The following EXOSC9 variants were observed in gnomAD, a reference collection of about 807,000 sequenced individuals.
EXOSC9 encodes the protein exosome complex component RRP45.
Under a neutral mutation model 56.5 loss-of-function variants are expected in EXOSC9, and 38 were observed. The observed-to-expected ratio is 0.67, with a 90% confidence interval of 0.52 to 0.88. The LOEUF (loss-of-function observed/expected upper bound fraction) is 0.88. Ranked by LOEUF, EXOSC9 falls within the 40% of genes least tolerant of loss-of-function variation. The pLI is 0.00. For synonymous variants in EXOSC9, 170 were observed against 170.8 expected (o/e 0.99, Z 0.04); for missense variants, 559 against 530.5 (o/e 1.05, Z -0.53).
In EXOSC9 at chr4:121,810,032, C is replaced by T; in HGVS notation, c.671C>T (p.Ala224Val). 6.2e-7 allele frequency: 1 copy of T among 1,613,428 alleles called. No homozygotes were observed. The highest frequency in any genetic ancestry group is 8.5e-7 in the Non-Finnish European group (1 of 1,179,384). Residue 224 changes from alanine (A) to valine (V), a missense_variant, in exon 7 of 12, where the codon GCC (alanine) becomes GTC (valine). Physicochemically the swap from Ala to Val is moderately conservative, Grantham distance 64 (BLOSUM62 0). Transcript: ENST00000243498. ...GTGATGGATGGCTTGCTGGTGATTG[C>T]CATGAACAAACATCGAGAGATTTGT... The part of the protein sequence containing the change: ...ERVMDGLLVI[A>V]MNKHREICTI...
At chr4:121,816,224 G>A (rs1414292055) in intron 10 of EXOSC9, 145 bp from the exon 11 acceptor site, 2 of 624,542 alleles carry the variant, frequency 3.2e-6, no homozygotes, top group East Asian at 3.1e-5. Context: ...CTACCAAAAT[G>A]TGGGTATTAA....
chr4:121,803,809 C>T lies in EXOSC9; in HGVS notation c.384+792C>T, dbSNP rs140488416. On this transcript the variant is annotated intron_variant, in intron 4 of 11. Transcript: ENST00000243498. ...TTGGCCTCCCAAAGTGCTGGGATTA[C>T]AGGCGTGAGCTACTGTGCCTGGCCA... Among the ~76,000 whole-genome samples the T allele has an allele frequency of 1.9e-4, 29 of 152,272 alleles. 2 individuals are homozygous for T. In the East Asian group the frequency reaches 5.4e-3, roughly 28 times the overall value.
intron 6 of EXOSC9, chr4:121,807,883 A>T (rs866152031): frequency 2.0e-6 from 1 of 512,768 alleles, no homozygotes; most frequent in Non-Finnish European, 3.5e-6. Context: ...TTACTATGGC[A>T]TGGTAGTGTT....
At chr4:121,806,760 C>G (rs1478124028) in intron 5 of EXOSC9, among the ~76,000 whole-genome samples, 2 of 148,164 alleles carry the variant, frequency 1.3e-5, no homozygotes, top group East Asian at 2.0e-4. Flanking sequence ...AACATTACAA[C>G]TTTTTTTTTT....
At chr4:121,807,031 A>T (rs1727040928) in intron 5 of EXOSC9, among the ~76,000 whole-genome samples, 1 of 152,076 alleles carries the variant, frequency 6.6e-6, no homozygotes, top group Non-Finnish European at 1.5e-5. Context: ...GGTGGCTCAC[A>T]CCTGTAATTC....
At chr4:121,804,502 G>A (rs1020069866) in intron 4 of EXOSC9, 120 bp from the exon 5 acceptor site, 4 of 588,844 alleles carry the variant, frequency 6.8e-6, no homozygotes, top group African/African-American at 5.5e-5. Flanking sequence ...CAAAGTACAA[G>A]GAGTAACTGC....
chr4:121,808,639 G>A (rs1266931533), intron 6 of EXOSC9, among the ~76,000 whole-genome samples: 1 of 151,580 alleles, frequency 6.6e-6, no homozygotes, highest in Non-Finnish European at 1.5e-5. Flanking sequence ...GCTGGATTAC[G>A]GGGATGAGCC....
intron 10 of EXOSC9, chr4:121,815,475 C>T: frequency 1.0e-6 from 1 of 985,138 alleles, no homozygotes. Flanking sequence ...TAATTGAAAA[C>T]TAAAAATACA....
At chr4:121,809,857 C>G (rs1040596401) in intron 6 of EXOSC9, 110 bp from the exon 7 acceptor site, 3 of 1,264,530 alleles carry the variant, frequency 2.4e-6, no homozygotes, top group Non-Finnish European at 3.4e-6. Context: ...TAGGCTCAGA[C>G]CTTTATTCTC....
intron 10 of EXOSC9, chr4:121,816,109 C>A: frequency 1.6e-6 from 1 of 637,170 alleles, no homozygotes; most frequent in Non-Finnish European, 2.6e-6. Context: ...GCACATGCCA[C>A]CACGCCTGGC....
At chr4:121,807,653 A>G in intron 6 of EXOSC9, 31 bp downstream of exon 6, 1 of 1,335,076 alleles carries the variant, frequency 7.5e-7, no homozygotes, top group South Asian at 1.2e-5. Context: ...GGCCAAAATT[A>G]CAAATGCAGC....
intron 8 of EXOSC9, 24 bp from the exon 9 acceptor site, chr4:121,813,210 C>T: frequency 6.3e-7 from 1 of 1,586,246 alleles, no homozygotes. Flanking sequence ...CCTTCCTTCC[C>T]ACCAAAAAAA....
At chr4:121,807,803 A>T in intron 6 of EXOSC9, 181 bp downstream of exon 6, 1 of 601,726 alleles carries the variant, frequency 1.7e-6, no homozygotes. Context: ...GAAGTAACAA[A>T]ACTCTTATAC....
chr4:121,807,984 G>T, intron 6 of EXOSC9: 1 of 209,530 alleles, frequency 4.8e-6, no homozygotes, highest in East Asian at 1.2e-4. Context: ...TGGGTTATTG[G>T]AAGATAGGGG....
Position 121,801,340 on chromosome 4 carries a change from C to CG in EXOSC9, c.-81dup. 7.4e-7 allele frequency: 1 copy of CG among 1,351,062 alleles called. No individual in the cohort carries two copies. Among genetic ancestry groups the CG allele is most frequent in the East Asian group, 2.3e-5 (1 of 43,660 alleles). The allele number at this position is 1,351,062 out of a possible 1,614,324, so 83.7% of individuals were successfully genotyped here. ...TTGATGACGTAATTTTCCTGCGCCT[C>CG]GGGGCGAGCAGCGGCGCGCAAGGAA... On this transcript the variant is annotated 5_prime_UTR_variant, in exon 1 of 12. Transcript: ENST00000243498.
Position 121,802,687 on chromosome 4 carries a change from G to A in EXOSC9, c.175G>A (p.Val59Ile). ...ELGKTRVLGQ[V>I]SCELVSPKLN... ...TTATCTTTGCAGAGTTCTTGGACAG[G>A]TTTCCTGTGAACTTGTGTCTCCAAA... The change falls in exon 3 of 12, where the codon GTT becomes ATT. Residue 59 changes from valine (V) to isoleucine (I), a missense_variant. By Grantham distance (29) the Val-to-Ile change is conservative. Coordinates refer to ENST00000243498, the MANE Select transcript of EXOSC9 (RefSeq NM_005033.3). 6.2e-7 allele frequency: 1 copy of A among 1,614,002 alleles called. No individual in the cohort carries two copies. The highest frequency in any genetic ancestry group is 8.5e-7 in the Non-Finnish European group (1 of 1,179,968).
chr4:121,816,652 C>T, intron 11 of EXOSC9, 120 bp from the exon 12 acceptor site: 1 of 1,017,216 alleles, frequency 9.8e-7, no homozygotes, highest in Non-Finnish European at 1.4e-6. Flanking sequence ...TTCTTGGATG[C>T]CAGTCTTACT....
In EXOSC9 at chr4:121,814,151, CTG is replaced by C. The variant is rs554658448; in HGVS notation, c.1156+106_1156+107del. 2.5e-4 allele frequency: 177 copies of C among 696,018 alleles called. 1 individual carries two copies. The African/African-American group carries it at 2.8e-3, about 11-fold the overall frequency. 43.1% of individuals were successfully genotyped at this position (696,018 alleles called of 1,614,324 possible). A position where few individuals can be genotyped will look rare whatever the true frequency, so the allele number is the denominator to read the frequency against. On this transcript the variant is annotated intron_variant, in intron 10 of 11. Transcript: ENST00000243498. ...AAATGTGTGTATATTTATATTATCA[CTG>C]TATATAGTAATATATAGCATATTAG...
At chr4:121,811,794 C>T (rs1309533275) in intron 8 of EXOSC9, 123 bp downstream of exon 8, 2 of 475,900 alleles carry the variant, frequency 4.2e-6, no homozygotes, top group Non-Finnish European at 7.5e-6. Flanking sequence ...GTTAGAATGG[C>T]AATTTCAATT....
Sources: allele counts gnomAD v4.1 joint callset (sites outside exome capture counted in the v4.1 genomes callset), GRCh38; gene constraint gnomAD v4.1.1; transcripts MANE v1.5; gene names NCBI Gene and HGNC (gene_info 2026-07-23, HGNC 2026-07-21).